The following MYH15 variants were observed in gnomAD, a reference collection of about 807,000 sequenced individuals.
The protein encoded by MYH15 is myosin heavy chain 15.
A neutral mutation model predicts 240.5 loss-of-function variants in MYH15; 227 were observed. The observed-to-expected ratio is 0.94, with a 90% CI of 0.85 to 1.05. The LOEUF is 1.05. MYH15 is among the 50% of genes least tolerant of loss of function. The pLI, the probability that MYH15 is intolerant of heterozygous loss-of-function variation, is 0.00. For synonymous variants in MYH15, 785 were observed against 796.7 expected, an observed-to-expected ratio of 0.99 and a Z score of 0.25; for missense variants, 2,217 against 2,247.5, an observed-to-expected ratio of 0.99 and a Z score of 0.27.
chr3:108,449,426 C>T (rs1412079360), intron 21 of MYH15, among the ~76,000 whole-genome samples: 2 of 151,898 alleles, frequency 1.3e-5, no homozygotes, highest in Admixed American at 1.3e-4. Context: ...ACCCAGAAAT[C>T]AATCTATGCA....
chr3:108,532,856 CTCA>C (rs1413402170), upstream of MYH15, among the ~76,000 whole-genome samples: 6 of 152,154 alleles, frequency 3.9e-5, no homozygotes, highest in Non-Finnish European at 8.8e-5. Context: ...GGATGATGAA[CTCA>C]TCAAGAATAA....
At chr3:108,438,767 C>A (rs770669058) in intron 24 of MYH15, among the ~76,000 whole-genome samples, 1 of 152,166 alleles carries the variant, frequency 6.6e-6, no homozygotes, top group Non-Finnish European at 1.5e-5. Context: ...GCCTCCAGAA[C>A]TGTAGGAAAT....
At chr3:108,421,288 G>T in intron 27 of MYH15, 74 bp from the exon 28 acceptor site, 1 of 1,548,788 alleles carries the variant, frequency 6.5e-7, no homozygotes, top group Non-Finnish European at 8.8e-7. Context: ...AGGAAGAGGG[G>T]AGGAGTGGCT....
chr3:108,470,078 ACCAAAG>A lies in MYH15; in HGVS notation c.1512_1517del (p.Phe505_Gly506del). 4.3e-6 allele frequency: 7 copies of A among 1,609,922 alleles called. No homozygotes were observed. The highest frequency in any genetic ancestry group is 5.1e-6 in the Non-Finnish European group (6 of 1,178,616). On this transcript the variant is annotated inframe_deletion, in exon 14 of 41. Coordinates refer to ENST00000693548, the MANE Select transcript of MYH15 (RefSeq NM_014981.3). ...GATCTATGCAAGCTTGCAAATCCAGACCAAAGCCAATAGACACCCATTCAATGCTTT... is the reference window on the plus strand; with the variant it reads ...GATCTATGCAAGCTTGCAAATCCAGACCAATAGACACCCATTCAATGCTTT...
At chr3:108,424,202 C>T (rs2082708764) in intron 27 of MYH15, among the ~76,000 whole-genome samples, 1 of 152,194 alleles carries the variant, frequency 6.6e-6, no homozygotes, top group Non-Finnish European at 1.5e-5. Context: ...GTGGTGAAGG[C>T]CAGCTGGGCT....
Position 108,398,659 on chromosome 3 carries a change from C to G in MYH15, c.5111G>C (p.Arg1704Thr), listed in dbSNP as rs891088990. The change falls in exon 35 of 41, where the codon AGA becomes ACA. Residue 1704 changes from arginine (R) to threonine (T), a missense_variant. Physicochemically the swap from Arg to Thr is moderately conservative, Grantham distance 71. Transcript: ENST00000693548. ...SEEELLEATE[R>T]INLFYTQNTS... ...CACCTGGGTATAGAAAAGATTGATTCTTTCTGTTGCTTCCAGGAGCTCTTC... is the reference window on the plus strand; with the variant it reads ...CACCTGGGTATAGAAAAGATTGATTGTTTCTGTTGCTTCCAGGAGCTCTTC... 1 of 1,613,298 alleles carries G rather than the reference C, an allele frequency of 6.2e-7. No homozygotes were observed. The highest frequency in any genetic ancestry group is 1.3e-5 in the African/African-American group (1 of 74,898).
At chr3:108,548,901 C>T in the MYH15 span, among the ~76,000 whole-genome samples, 12 of 151,816 alleles carry the variant, frequency 7.9e-5, no homozygotes, top group African/African-American at 2.9e-4. Flanking sequence ...GTAAATAGAC[C>T]CAAATGGACA....
intron 33 of MYH15, among the ~76,000 whole-genome samples, chr3:108,401,570 C>T (rs1368329210): frequency 6.6e-6 from 1 of 152,260 alleles, no homozygotes; most frequent in Non-Finnish European, 1.5e-5. Context: ...CTGTCAGACA[C>T]TTATCTGTCC....
intron 35 of MYH15, among the ~76,000 whole-genome samples, chr3:108,395,829 T>C (rs533878016): frequency 1.3e-5 from 2 of 152,196 alleles, no homozygotes; most frequent in South Asian, 4.1e-4. Context: ...TTCAGTATGT[T>C]TTGCTTGATA....
chr3:108,471,009 AAG>A (rs1202504348), intron 12 of MYH15, among the ~76,000 whole-genome samples, 162 bp from the exon 13 acceptor site: 1 of 133,094 alleles, frequency 7.5e-6, no homozygotes, highest in Non-Finnish European at 1.6e-5. Context: ...GAAGAAAAGA[AAG>A]AGAGAGAGAG....
At chr3:108,533,918 A>C (rs1481320702), upstream of MYH15, among the ~76,000 whole-genome samples, 1 of 152,242 alleles carries the variant, frequency 6.6e-6, no homozygotes, top group Admixed American at 6.5e-5. Flanking sequence ...GACTGACCTG[A>C]GAATATTGAG....
chr3:108,460,736 T>C (rs1003459215), intron 16 of MYH15, among the ~76,000 whole-genome samples: 3 of 152,170 alleles, frequency 2.0e-5, no homozygotes, highest in South Asian at 4.1e-4. Flanking sequence ...ATATAACTTA[T>C]ATGGAAAGAT....
intron 27 of MYH15, 129 bp from the exon 28 acceptor site, chr3:108,421,343 C>G: frequency 9.3e-7 from 1 of 1,072,980 alleles, no homozygotes; most frequent in Non-Finnish European, 1.3e-6. Context: ...GCTCAGCCAG[C>G]ATTGGGAGAT....
At chr3:108,535,258 G>A in the MYH15 span, among the ~76,000 whole-genome samples, 1 of 152,096 alleles carries the variant, frequency 6.6e-6, no homozygotes, top group East Asian at 1.9e-4. Context: ...TGAACTGGGT[G>A]GCTCACAAAC....
chr3:108,516,772 T>A (rs1481596373), intron 1 of MYH15, among the ~76,000 whole-genome samples: 1 of 152,254 alleles, frequency 6.6e-6, no homozygotes, highest in East Asian at 1.9e-4. Flanking sequence ...TAGGCAGGTT[T>A]ATCTTCTTCA....
At chr3:108,535,719 A>G in the MYH15 span, among the ~76,000 whole-genome samples, 1 of 152,132 alleles carries the variant, frequency 6.6e-6, no homozygotes, top group Non-Finnish European at 1.5e-5. Context: ...GGTTTTGTAC[A>G]CTAAGGTAAG....
chr3:108,444,306 C>G (rs1177869041), intron 22 of MYH15, among the ~76,000 whole-genome samples: 2 of 152,002 alleles, frequency 1.3e-5, no homozygotes, highest in Non-Finnish European at 2.9e-5. Flanking sequence ...TTTCTTGGGA[C>G]CTACTAAAAT....
intron 21 of MYH15, among the ~76,000 whole-genome samples, chr3:108,447,697 C>G (rs1288120197): frequency 3.3e-5 from 5 of 152,068 alleles, no homozygotes; most frequent in Non-Finnish European, 7.4e-5. Context: ...TTTATCGTCA[C>G]TACTTGCCTT....
chr3:108,391,938 G>A lies in MYH15; in HGVS notation c.5260-8C>T, dbSNP rs761807355. On this transcript the variant is annotated splice_region_variant and splice_polypyrimidine_tract_variant and intron_variant, in intron 36 of 40. Transcript: ENST00000693548. ...TTCTGACAAGTTTGCTGCCTAGGGG[G>A]TTAAAAAAAGGGACTGAGCTAGTTC... is the stretch of plus-strand genomic sequence containing the variant. 3.7e-6 allele frequency: 6 copies of A among 1,609,828 alleles called. No individual in the cohort carries two copies. The highest frequency in any genetic ancestry group is 5.1e-6 in the Non-Finnish European group (6 of 1,178,800).
Sources: gnomAD v4.1 joint callset for allele counts (sites outside exome capture counted in the v4.1 genomes callset) on GRCh38, gnomAD v4.1.1 for gene constraint, MANE v1.5 for transcripts, NCBI Gene and HGNC (gene_info 2026-07-23, HGNC 2026-07-21) for gene names.